The following DUOXA1 variants were observed in gnomAD, a reference collection of about 807,000 sequenced individuals.
DUOXA1 encodes the protein dual oxidase maturation factor 1.
DUOXA1 carries 19 observed loss-of-function variants against 26.6 expected under a neutral mutation model. That is an observed-to-expected ratio of 0.71 (90% CI 0.50 to 1.05). DUOXA1 has a LOEUF of 1.05. DUOXA1 is among the 50% of genes least tolerant of loss of function. The pLI, the probability that DUOXA1 is intolerant of heterozygous loss-of-function variation, is 0.00. For synonymous variants in DUOXA1, 166 were observed against 177.0 expected (o/e 0.94, Z 0.49); for missense variants, 403 against 427.5 (o/e 0.94, Z 0.51).
At chr15:45,121,680 A>G (rs1895223159) in intron 5 of DUOXA1, among the ~76,000 whole-genome samples, 2 of 152,062 alleles carry the variant, frequency 1.3e-5, no homozygotes, top group African/African-American at 2.4e-5. Flanking sequence ...ATGCCCAGCT[A>G]ATTTTTTGTA....
intron 3 of DUOXA1, among the ~76,000 whole-genome samples, chr15:45,125,870 A>G (rs1056810330): frequency 1.3e-5 from 2 of 152,008 alleles, no homozygotes; most frequent in East Asian, 3.9e-4. Context: ...TGGTTCTCAA[A>G]TGTCTTCAGG....
In DUOXA1 at chr15:45,122,974, G is replaced by T; in HGVS notation, c.41C>A (p.Pro14His). ...GGTGTCCATCGGGAAGGTTGGCTTG[G>T]GGCCAGCATAGAAGGGGAATGTGTG... ...LGHTFPFYAG[P>H]KPTFPMDTTL... The change falls in exon 4 of 9, where the codon CCC becomes CAC. Residue 14 changes from proline to histidine, a missense_variant. Physicochemically the swap from Pro to His is moderately conservative, Grantham distance 77 (BLOSUM62 -2). Transcript: ENST00000560572. The T allele has an allele frequency of 6.2e-7, 1 of 1,613,256 alleles. No homozygotes were observed. Among genetic ancestry groups the T allele is most frequent in the South Asian group, 1.1e-5 (1 of 90,914 alleles).
intron 4 of DUOXA1, 134 bp from the exon 5 acceptor site, chr15:45,122,376 C>T (rs1895301556): frequency 1.2e-6 from 1 of 838,188 alleles, no homozygotes; most frequent in Admixed American, 2.0e-5. Context: ...GAGTGTCTGG[C>T]ACATAATAAG....
rs766624128 is a variant in DUOXA1 at position 45,117,631 on chromosome 15, G to A, written c.*1475C>T. On this transcript the variant is annotated 3_prime_UTR_variant, in exon 9 of 9. Coordinates refer to ENST00000560572, the MANE Select transcript of DUOXA1 (RefSeq NM_001276266.2). Reference sequence around the variant, plus strand: ...TTTGGGAGGTCGAGGCAGGAAGGTCGTTTGAGGCCAGAGTTCGAGACCAGC... The same window carrying A: ...TTTGGGAGGTCGAGGCAGGAAGGTCATTTGAGGCCAGAGTTCGAGACCAGC... The A allele has an allele frequency of 4.3e-6, 7 of 1,613,686 alleles. No individual in the cohort carries two copies. Among genetic ancestry groups the A allele is most frequent in the Non-Finnish European group, 5.9e-6 (7 of 1,179,848 alleles).
At chr15:45,125,784 C>G (rs183415355) in intron 3 of DUOXA1, among the ~76,000 whole-genome samples, 17 of 152,280 alleles carry the variant, frequency 1.1e-4, no homozygotes, top group African/African-American at 4.1e-4. Flanking sequence ...TGATGCTCCC[C>G]AGGAATCTGT....
At position 45,119,200 on chromosome 15, in the gene DUOXA1, C is replaced by T. The variant is rs1894902226; in HGVS notation, c.938G>A (p.Ser313Asn). The change falls in exon 9 of 9, where the codon AGT becomes AAT. Residue 313 changes from serine to asparagine, a missense_variant. Coordinates refer to ENST00000560572, the MANE Select transcript of DUOXA1 (RefSeq NM_001276266.2). Reference sequence around the variant, plus strand: ...CAGGGGAATGTCCTGGGACTTGGGACTGTCAGCCATGGACCGGTAGCGGGG... The same window carrying T: ...CAGGGGAATGTCCTGGGACTTGGGATTGTCAGCCATGGACCGGTAGCGGGG... ...LSPRYRSMAD[S>N]PKSQDIPLSE... 6.2e-7 allele frequency: 1 copy of T among 1,614,012 alleles called. No homozygotes were observed. The highest frequency in any genetic ancestry group is 8.5e-7 in the Non-Finnish European group (1 of 1,179,896).
chr15:45,123,035 G>A lies in DUOXA1; in HGVS notation c.-21C>T. On this transcript the variant is annotated 5_prime_UTR_variant, in exon 4 of 9. Transcript: ENST00000560572. ...GCCATCTTGGTGAGGTGGTGCAGGGGGGGCAATGCTGTACAACAACAATAG... is the reference window on the plus strand; with the variant it reads ...GCCATCTTGGTGAGGTGGTGCAGGGAGGGCAATGCTGTACAACAACAATAG... 1.3e-6 allele frequency: 2 copies of A among 1,598,878 alleles called. No individual in the cohort carries two copies. The highest frequency in any genetic ancestry group is 1.7e-6 in the Non-Finnish European group (2 of 1,172,280).
rs1894803143 is a variant in DUOXA1, at chr15:45,118,083, T to C, written c.*1023A>G. On this transcript the variant is annotated 3_prime_UTR_variant, in exon 9 of 9. Transcript: ENST00000560572. The stretch of plus-strand genomic sequence containing the variant: ...TCCTGGGGCGATCTGTAAATAAACC[T>C]TTTTTTCTTTTGTTTTTTAAAAACT... 6.6e-7 allele frequency: 1 copy of C among 1,520,876 alleles called. No homozygotes were observed. The highest frequency in any genetic ancestry group is 8.8e-7 in the Non-Finnish European group (1 of 1,136,666). The allele number at this position is 1,520,876 out of a possible 1,614,324, so 94.2% of individuals were successfully genotyped here.
chr15:45,119,372 A>C lies in DUOXA1; in HGVS notation c.773-7T>G. The C allele has an allele frequency of 6.2e-7, 1 of 1,602,058 alleles. No homozygotes were observed. The highest frequency in any genetic ancestry group is 2.2e-5 in the East Asian group (1 of 44,536). The stretch of plus-strand genomic sequence containing the variant: ...AGCAGCACACACAGCAGTCCTGGAG[A>C]TGAGGGCAACAATTGTCCCACCTTA... On this transcript the variant is annotated splice_region_variant and splice_polypyrimidine_tract_variant and intron_variant, in intron 8 of 8. Coordinates refer to ENST00000560572, the MANE Select transcript of DUOXA1 (RefSeq NM_001276266.2).
chr15:45,122,093 C>T (rs556970246), intron 5 of DUOXA1, 92 bp downstream of exon 5: 104 of 1,414,244 alleles, frequency 7.4e-5, no homozygotes, highest in Middle Eastern at 1.7e-4. Context: ...AAGGGCCCAC[C>T]GCTGTGGGGA....
In DUOXA1 at chr15:45,120,587, C is replaced by A. The variant is rs1344024734; in HGVS notation, c.554+5G>T. The A allele has an allele frequency of 6.2e-7, 1 of 1,613,904 alleles. No individual in the cohort carries two copies. The highest frequency in any genetic ancestry group is 8.5e-7 in the Non-Finnish European group (1 of 1,179,788). ...GCCTCCACCCCGTCTCCTTCCCATC[C>A]TCACCATAGCATGGCTGAGGTGTAG... is the stretch of plus-strand genomic sequence containing the variant. On this transcript the variant is annotated splice_donor_5th_base_variant and intron_variant, in intron 7 of 8. Transcript: ENST00000560572.
At chr15:45,125,131 G>A (rs1365226928) in intron 3 of DUOXA1, among the ~76,000 whole-genome samples, 1 of 152,194 alleles carries the variant, frequency 6.6e-6, no homozygotes, top group Non-Finnish European at 1.5e-5. Context: ...TTTTGGGCAA[G>A]TCACTTAATC....
chr15:45,120,472 G>A (rs1178278955), intron 7 of DUOXA1, 120 bp downstream of exon 7: 1 of 1,432,422 alleles, frequency 7.0e-7, no homozygotes, highest in African/African-American at 1.4e-5. Flanking sequence ...CAGCACCATG[G>A]GGACTGGTGC....
chr15:45,120,802 G>C lies in DUOXA1; in HGVS notation c.344C>G (p.Thr115Ser), dbSNP rs1020792656. 7 of 1,614,058 alleles carry C rather than the reference G, an allele frequency of 4.3e-6. No individual in the cohort carries two copies. The highest frequency in any genetic ancestry group is 5.9e-6 in the Non-Finnish European group (7 of 1,179,986). Residue 115 changes from threonine (T) to serine (S), a missense_variant, in exon 7 of 9, where the codon ACC (threonine) becomes AGC (serine). Coordinates refer to ENST00000560572, the MANE Select transcript of DUOXA1 (RefSeq NM_001276266.2). ...LGGVNITLTGTPVQQLNETIN... is the reference protein window; with the variant it reads ...LGGVNITLTGSPVQQLNETIN... ...GGTCTCATTCAGCTGCTGCACGGGG[G>C]TCCCTAGGGCACAAGGCAGCTCTGC...
At position 45,128,347 on chromosome 15, in the gene DUOXA1, C is replaced by G. The variant is rs192649953; in HGVS notation, c.-30+671G>C. 4.9e-3 allele frequency among the ~76,000 whole-genome samples: 751 copies of G among 152,326 alleles called. 10 individuals are homozygous for G. The highest frequency in any genetic ancestry group is 0.017 in the African/African-American group (721 of 41,568). ...CTTCCCCCTTGCCCACCTCCCCCATCTGCTGGAAACTATAGAGTAAGGGCC... is the reference window on the plus strand; with the variant it reads ...CTTCCCCCTTGCCCACCTCCCCCATGTGCTGGAAACTATAGAGTAAGGGCC... On this transcript the variant is annotated intron_variant, in intron 3 of 8. Transcript: ENST00000560572.
chr15:45,122,722 T>G, intron 4 of DUOXA1, 146 bp downstream of exon 4: 1 of 986,412 alleles, frequency 1.0e-6, no homozygotes, highest in Non-Finnish European at 1.4e-6. Flanking sequence ...AATCAATGAA[T>G]GGGGAGCTTT....
chr15:45,122,406 G>T (rs538985628), intron 4 of DUOXA1, among the ~76,000 whole-genome samples, 164 bp from the exon 5 acceptor site: 1 of 152,168 alleles, frequency 6.6e-6, no homozygotes, highest in Non-Finnish European at 1.5e-5. Context: ...ATTTATGTAT[G>T]CATTTATTTA....
At position 45,118,409 on chromosome 15, in the gene DUOXA1, G is replaced by A. The variant is rs1052767313; in HGVS notation, c.*697C>T. The A allele has an allele frequency of 6.9e-5, 72 of 1,044,016 alleles. No individual in the cohort carries two copies. Among genetic ancestry groups the A allele is most frequent in the Non-Finnish European group, 7.6e-5 (66 of 868,492 alleles). The allele number at this position is 1,044,016 out of a possible 1,614,324, so 64.7% of individuals were successfully genotyped here. A position where few individuals can be genotyped will look rare whatever the true frequency, so the allele number is the denominator to read the frequency against. On this transcript the variant is annotated 3_prime_UTR_variant, in exon 9 of 9. Coordinates refer to ENST00000560572, the MANE Select transcript of DUOXA1 (RefSeq NM_001276266.2). ...GTGGGGTGGGAAGGAATAGCGTTTT[G>A]GAGTTGATTCCCTAACTTCCCACCT...
In DUOXA1 at chr15:45,118,231, A is replaced by C; in HGVS notation, c.*875T>G. ...CTGTGAAACCTGATTCTCTGCGTCG[A>C]CTCCAGAGTAATAGGGGCGCCCTCT... On this transcript the variant is annotated 3_prime_UTR_variant, in exon 9 of 9. Coordinates refer to ENST00000560572, the MANE Select transcript of DUOXA1 (RefSeq NM_001276266.2). 7.1e-7 allele frequency: 1 copy of C among 1,402,224 alleles called. No individual in the cohort carries two copies. The highest frequency in any genetic ancestry group is 9.2e-7 in the Non-Finnish European group (1 of 1,084,674). The allele number at this position is 1,402,224 out of a possible 1,614,324, so 86.9% of individuals were successfully genotyped here.
Sources: gnomAD v4.1 joint callset for allele counts (sites outside exome capture counted in the v4.1 genomes callset) on GRCh38, gnomAD v4.1.1 for gene constraint, MANE v1.5 for transcripts, NCBI Gene and HGNC (gene_info 2026-07-23, HGNC 2026-07-21) for gene names.